The following ARNT2 variants were observed in gnomAD, a reference collection of about 807,000 sequenced individuals.
ARNT2 encodes ARNT protein 2.
ARNT2 carries 36 observed loss-of-function variants against 91.7 expected under a neutral mutation model. The ratio of observed to expected loss-of-function variants is 0.39; its 90% CI spans 0.30 to 0.52. The LOEUF (loss-of-function observed/expected upper bound fraction) is 0.52, where lower values mean the gene tolerates loss of function less well. Ranked by LOEUF, ARNT2 falls within the 20% of genes least tolerant of loss-of-function variation. The probability of loss-of-function intolerance (pLI) is 0.72; values close to 1 mark genes in which losing one functional copy is unlikely to be tolerated. For missense variants in ARNT2, 775 were observed against 939.3 expected, an observed-to-expected ratio of 0.83 and a Z score of 2.29; for synonymous variants, 365 against 347.1, an observed-to-expected ratio of 1.05 and a Z score of -0.57.
intron 5 of ARNT2, among the ~76,000 whole-genome samples, chr15:80,500,662 A>G (rs577595909): frequency 5.3e-5 from 8 of 152,200 alleles, no homozygotes; most frequent in Non-Finnish European, 1.2e-4. Context: ...ATCAAAAAAG[A>G]TGCTCTTTTC....
chr15:80,538,982 G>A (rs1897865118), intron 8 of ARNT2, among the ~76,000 whole-genome samples: 1 of 151,818 alleles, frequency 6.6e-6, no homozygotes, highest in Non-Finnish European at 1.5e-5. Flanking sequence ...ATTCCTGGAA[G>A]GAAGGAAGTA....
chr15:80,417,897 G>A (rs975814183), intron 1 of ARNT2, among the ~76,000 whole-genome samples: 5 of 152,200 alleles, frequency 3.3e-5, no homozygotes, highest in Admixed American at 3.3e-4. Context: ...TGGACCAGGG[G>A]ACCGTAGTGT....
intron 8 of ARNT2, among the ~76,000 whole-genome samples, chr15:80,517,638 T>G (rs1897461312): frequency 6.6e-6 from 1 of 151,970 alleles, no homozygotes; most frequent in Admixed American, 6.6e-5. Context: ...GGTTTTTTTT[T>G]TTTTTCATTC....
rs757807661 is a variant in ARNT2 at position 80,450,964 on chromosome 15, T to C, written c.116T>C (p.Met39Thr). The stretch of plus-strand genomic sequence containing the variant: ...GGACAGGTGAGGATGGCGGGGGCCA[T>C]GCCTGCCCGTGGAGGAAAGCGGCGT... ...ATGQVRMAGA[M>T]PARGGKRRSG... Residue 39 changes from methionine (M) to threonine (T), a missense_variant, in exon 2 of 19, where the codon ATG becomes ACG. Around this residue, in one of 5 missense-constraint regions of ARNT2, gnomAD observed 79 missense variants for 83.8 expected, o/e 0.94. Transcript: ENST00000303329. The C allele has an allele frequency of 3.5e-5, 57 of 1,613,968 alleles. No individual in the cohort carries two copies. The highest frequency in any genetic ancestry group is 4.4e-5 in the Non-Finnish European group (52 of 1,180,016).
chr15:80,552,491 A>C, intron 9 of ARNT2, 149 bp from the exon 10 acceptor site: 1 of 941,112 alleles, frequency 1.1e-6, no homozygotes, highest in Non-Finnish European at 1.5e-6. Context: ...GACCAGGGAT[A>C]GATATTTGAA....
chr15:80,493,528 C>T (rs1380973999), intron 5 of ARNT2, among the ~76,000 whole-genome samples: 2 of 152,128 alleles, frequency 1.3e-5, no homozygotes, highest in Non-Finnish European at 2.9e-5. Context: ...GCTTTTCTTC[C>T]TCTTTATGTG....
chr15:80,404,612 C>A lies in ARNT2; in HGVS notation c.31+66C>A. On this transcript the variant is annotated intron_variant, in intron 1 of 18. Transcript: ENST00000303329. The surrounding 1 kb of genome is among the most constrained non-coding windows in gnomAD (Gnocchi z 5.5). ...AGGCCTTGCCCGGGGCCGGAGCGGA[C>A]CAGGCGCGCCGGGCGCCCCCGGGGG... The A allele has an allele frequency of 1.0e-6, 1 of 1,002,654 alleles. No individual in the cohort carries two copies. Among genetic ancestry groups the A allele is most frequent in the Non-Finnish European group, 1.2e-6 (1 of 838,046 alleles). The allele number at this position is 1,002,654 out of a possible 1,614,324, so 62.1% of individuals were successfully genotyped here. A position where few individuals can be genotyped will look rare whatever the true frequency, so the allele number is the denominator to read the frequency against.
At chr15:80,585,950 A>G (rs984264280) in intron 17 of ARNT2, among the ~76,000 whole-genome samples, 1 of 152,228 alleles carries the variant, frequency 6.6e-6, no homozygotes, top group African/African-American at 2.4e-5. Flanking sequence ...CAAAGGAGAA[A>G]TGTTTGCAGG....
At chr15:80,562,891 C>T (rs2141467160) in intron 11 of ARNT2, 197 bp from the exon 12 acceptor site, 1 of 672,924 alleles carries the variant, frequency 1.5e-6, no homozygotes, top group East Asian at 2.5e-5. Flanking sequence ...AGATGCAGCA[C>T]CCCATTTCAC....
intron 8 of ARNT2, among the ~76,000 whole-genome samples, chr15:80,549,335 G>A (rs973508169): frequency 6.6e-6 from 1 of 152,116 alleles, no homozygotes; most frequent in Non-Finnish European, 1.5e-5. Flanking sequence ...TTCTAACTAT[G>A]ACTCAGACTC....
intron 8 of ARNT2, among the ~76,000 whole-genome samples, chr15:80,526,257 G>T (rs1199588442): frequency 6.6e-6 from 1 of 152,190 alleles, no homozygotes; most frequent in African/African-American, 2.4e-5. Context: ...AAGTCAATCA[G>T]CTCCCTTGTC....
rs148625039 is a variant in ARNT2 at position 80,540,299 on chromosome 15, G to A, written c.878-10900G>A. ...CAGTGTGTGAGTGTTCCAGTTTCTC[G>A]TATCTTCACTAACACATGATTGCGT... On this transcript the variant is annotated intron_variant, in intron 8 of 18. Coordinates refer to ENST00000303329, the MANE Select transcript of ARNT2 (RefSeq NM_014862.4). Among the ~76,000 whole-genome samples the A allele has an allele frequency of 2.1e-3, 327 of 152,198 alleles. 9 individuals carry two copies. The East Asian group carries it at 0.032, about 15-fold the overall frequency.
At position 80,404,570 on chromosome 15, in the gene ARNT2, C is replaced by G; in HGVS notation, c.31+24C>G. ...GGGTGAGTAGCGGCCTGGGCCCCGC[C>G]GCCCGCCGCAGCCCGCAGGCCTTGC... On this transcript the variant is annotated intron_variant, in intron 1 of 18. Transcript: ENST00000303329. The surrounding 1 kb of genome is among the most constrained non-coding windows in gnomAD (Gnocchi z 5.5). The G allele has an allele frequency of 9.1e-7, 1 of 1,094,334 alleles. No individual in the cohort carries two copies. The allele number at this position is 1,094,334 out of a possible 1,614,324, so 67.8% of individuals were successfully genotyped here.
At chr15:80,481,215 G>A (rs1292307909) in intron 5 of ARNT2, among the ~76,000 whole-genome samples, 1 of 152,242 alleles carries the variant, frequency 6.6e-6, no homozygotes, top group East Asian at 1.9e-4. Context: ...TGGCTAGGCT[G>A]TGGTCTGGGC....
chr15:80,459,691 C>T (rs1896526046), intron 3 of ARNT2, among the ~76,000 whole-genome samples: 1 of 152,190 alleles, frequency 6.6e-6, no homozygotes, highest in Non-Finnish European at 1.5e-5. Context: ...AAACTCTACA[C>T]TCTGGGTAAC....
rs140964701 is a variant in ARNT2 at position 80,504,299 on chromosome 15, G to A, written c.623-3857G>A. The stretch of plus-strand genomic sequence containing the variant: ...TGTTCTGTTTGAGTCTATTCTCATC[G>A]ACTTTAGTCTGTTCTCTTCTTTGTT... On this transcript the variant is annotated intron_variant, in intron 5 of 18. Coordinates refer to ENST00000303329, the MANE Select transcript of ARNT2 (RefSeq NM_014862.4). Among the ~76,000 whole-genome samples, 4 of 152,248 alleles carry A rather than the reference G, an allele frequency of 2.6e-5. No homozygotes were observed. In the East Asian group the frequency reaches 5.8e-4, roughly 22 times the overall value.
intron 5 of ARNT2, among the ~76,000 whole-genome samples, chr15:80,501,592 G>T (rs529615202): frequency 6.6e-6 from 1 of 152,322 alleles, no homozygotes; most frequent in East Asian, 1.9e-4. Context: ...CATTATTCCA[G>T]AGTGGTCTGA....
chr15:80,476,990 T>C (rs2043410542), intron 5 of ARNT2, among the ~76,000 whole-genome samples: 1 of 152,228 alleles, frequency 6.6e-6, no homozygotes, highest in Non-Finnish European at 1.5e-5. Context: ...GCTCTCGTGA[T>C]AGTGAGTGAG....
intron 3 of ARNT2, among the ~76,000 whole-genome samples, chr15:80,464,124 T>C (rs1896611271): frequency 6.6e-6 from 1 of 152,140 alleles, no homozygotes. Context: ...CATAAAGCCT[T>C]AAATATCTTT....
Sources: gnomAD v4.1 joint callset for allele counts (sites outside exome capture counted in the v4.1 genomes callset) on GRCh38, gnomAD v4.1.1 for gene constraint, gnomAD v4.1.1 regional missense constraint, Gnocchi (gnomAD v3.1) non-coding constraint, MANE v1.5 for transcripts, NCBI Gene and HGNC (gene_info 2026-07-23, HGNC 2026-07-21) for gene names.